Variants in RNF180 observed in about 807,000 individuals in gnomAD.
RNF180 encodes E3 ubiquitin-protein ligase RNF180.
Under a neutral mutation model 59.2 loss-of-function variants are expected in RNF180, and 38 were observed. The ratio of observed to expected loss-of-function variants is 0.64; its 90% confidence interval spans 0.50 to 0.84. RNF180 has a LOEUF of 0.84. Among genes scored for constraint, RNF180 ranks in the 40% least tolerant of loss-of-function variants. The pLI, the probability that RNF180 is intolerant of heterozygous loss-of-function variation, is 0.00. For synonymous variants in RNF180, 262 were observed against 240.3 expected, an observed-to-expected ratio of 1.09 and a Z score of -0.84; for missense variants, 705 against 700.9, an observed-to-expected ratio of 1.01 and a Z score of -0.07.
intron 5 of RNF180, among the ~76,000 whole-genome samples, chr5:64,242,462 A>G (rs947485134): frequency 6.6e-6 from 1 of 152,238 alleles, no homozygotes; most frequent in Non-Finnish European, 1.5e-5. Context: ...ACTGAACCTC[A>G]GAAAATACAG....
chr5:64,240,244 C>T (rs1331267700), intron 5 of RNF180, among the ~76,000 whole-genome samples: 1 of 152,148 alleles, frequency 6.6e-6, no homozygotes, highest in African/African-American at 2.4e-5. Context: ...GCCCTATTAA[C>T]CATATCTTCT....
chr5:64,176,398 A>G (rs1750238660), intron 1 of RNF180, among the ~76,000 whole-genome samples: 1 of 152,032 alleles, frequency 6.6e-6, no homozygotes. Flanking sequence ...TTTCCAGAAA[A>G]CCAGCTCTGT....
Position 64,371,742 on chromosome 5 carries a change from A to T in RNF180, c.*1928A>T, listed in dbSNP as rs1746663440. ...ATAGAATATTAAAAGAAGTAAATTC[A>T]TAAAATTATAAATTACTAATCTTTA... On this transcript the variant is annotated 3_prime_UTR_variant, in exon 8 of 8. Coordinates refer to ENST00000389100, the MANE Select transcript of RNF180 (RefSeq NM_001113561.2). 2 of 151,652 alleles carry T rather than the reference A, an allele frequency of 1.3e-5. No individual in the cohort carries two copies. The highest frequency in any genetic ancestry group is 3.0e-5 in the Non-Finnish European group (2 of 67,714). The allele number at this position is 151,652 out of a possible 1,614,324, so 9.4% of individuals were successfully genotyped here. A position where few individuals can be genotyped will look rare whatever the true frequency, so the allele number is the denominator to read the frequency against.
At chr5:64,247,758 C>T (rs185984725) in intron 5 of RNF180, among the ~76,000 whole-genome samples, 10 of 152,160 alleles carry the variant, frequency 6.6e-5, no homozygotes, top group African/African-American at 2.2e-4. Context: ...AATAAAACTA[C>T]TTTAAATTTC....
rs1160746790 is a variant in RNF180, at chr5:64,369,692, G to C, written c.1657G>C (p.Glu553Gln). ...GAHRMDYLHF[E>Q]DDSRGWWFDM... ...ACACAGGATGGATTACCTGCACTTTGAGGATGATAGCCGTGGATGGTGGTT... is the reference window on the plus strand; with the variant it reads ...ACACAGGATGGATTACCTGCACTTTCAGGATGATAGCCGTGGATGGTGGTT... The change falls in exon 8 of 8, where the codon GAG becomes CAG. Residue 553 changes from glutamate to glutamine, a missense_variant. Glu to Gln is a conservative substitution (Grantham distance 29). Transcript: ENST00000389100. 1.7e-5 allele frequency: 27 copies of C among 1,548,200 alleles called. No homozygotes were observed. The highest frequency in any genetic ancestry group is 2.0e-5 in the Non-Finnish European group (23 of 1,145,258).
At chr5:64,239,281 TA>T (rs1453863546) in intron 5 of RNF180, among the ~76,000 whole-genome samples, 2 of 152,136 alleles carry the variant, frequency 1.3e-5, no homozygotes, top group Non-Finnish European at 2.9e-5. Context: ...TACTGAATTA[TA>T]ATCTGCATGT....
intron 3 of RNF180, among the ~76,000 whole-genome samples, chr5:64,213,087 G>A (rs1227660921): frequency 6.6e-6 from 1 of 152,186 alleles, no homozygotes; most frequent in Non-Finnish European, 1.5e-5. Flanking sequence ...TATTTTGGTT[G>A]TATGTAAAAA....
At chr5:64,245,477 G>C (rs1052139190) in intron 5 of RNF180, among the ~76,000 whole-genome samples, 4 of 152,130 alleles carry the variant, frequency 2.6e-5, no homozygotes, top group African/African-American at 9.7e-5. Flanking sequence ...CCTAGTCTCT[G>C]ATAAAACAGA....
chr5:64,284,780 T>C (rs1277524189), intron 5 of RNF180, among the ~76,000 whole-genome samples: 1 of 152,228 alleles, frequency 6.6e-6, no homozygotes, highest in Admixed American at 6.5e-5. Context: ...TGAATCTTTA[T>C]GATCATCATT....
chr5:64,211,387 T>A lies in RNF180; in HGVS notation c.136-678T>A, dbSNP rs1040763759. Among the ~76,000 whole-genome samples the A allele has an allele frequency of 4.6e-5, 7 of 152,188 alleles. No homozygotes were observed. The East Asian group carries it at 1.4e-3, about 29-fold the overall frequency. On this transcript the variant is annotated intron_variant, in intron 2 of 7. Coordinates refer to ENST00000389100, the MANE Select transcript of RNF180 (RefSeq NM_001113561.2). ...TGCAAGCTTGGTTTATTTTTGTTTG[T>A]CCCCCTCTTCTTCCTTGGCTAATTT...
intron 5 of RNF180, among the ~76,000 whole-genome samples, chr5:64,318,606 ATACT>A (rs945898165): frequency 2.0e-5 from 3 of 152,180 alleles, no homozygotes; most frequent in South Asian, 2.1e-4. Context: ...TACTTTATAC[ATACT>A]TTTTTAGACA....
At chr5:64,350,617 T>C (rs1053669996) in intron 7 of RNF180, among the ~76,000 whole-genome samples, 1 of 152,202 alleles carries the variant, frequency 6.6e-6, no homozygotes, top group African/African-American at 2.4e-5. Flanking sequence ...AGTTTCAGCT[T>C]TCTACATATG....
At chr5:64,331,056 G>A (rs530565483) in intron 7 of RNF180, among the ~76,000 whole-genome samples, 4 of 152,194 alleles carry the variant, frequency 2.6e-5, no homozygotes, top group Admixed American at 6.5e-5. Context: ...AGGCACTGTC[G>A]CAACCCAGCC....
chr5:64,258,694 T>C (rs1744137168), intron 5 of RNF180, among the ~76,000 whole-genome samples: 1 of 152,192 alleles, frequency 6.6e-6, no homozygotes, highest in South Asian at 2.1e-4. Flanking sequence ...TTTATACATA[T>C]GTATGTTTAG....
intron 7 of RNF180, among the ~76,000 whole-genome samples, chr5:64,357,394 T>G (rs1212627051): frequency 1.3e-5 from 2 of 151,790 alleles, no homozygotes; most frequent in African/African-American, 4.8e-5. Context: ...GCTTTAACCT[T>G]TTATCCGTCC....
In RNF180 at chr5:64,341,302, C is replaced by A. The variant is rs2112563587; in HGVS notation, c.1579+10896C>A. On this transcript the variant is annotated intron_variant, in intron 7 of 7. Coordinates refer to ENST00000389100, the MANE Select transcript of RNF180 (RefSeq NM_001113561.2). ...TAACTACCCTAAGGAATAAATGACA[C>A]CAAGTAAAAGTGTTCAAAGATATAA... Among the ~76,000 whole-genome samples the A allele has an allele frequency of 2.0e-5, 3 of 152,112 alleles. 1 individual carries two copies. The South Asian group carries it at 6.2e-4, about 32-fold the overall frequency.
chr5:64,194,066 C>T (rs1340399528), intron 1 of RNF180, among the ~76,000 whole-genome samples: 1 of 152,040 alleles, frequency 6.6e-6, no homozygotes, highest in African/African-American at 2.4e-5. Flanking sequence ...AGGTTTGTTG[C>T]ATATGTATAC....
chr5:64,331,106 C>T (rs1230739331), intron 7 of RNF180, among the ~76,000 whole-genome samples: 1 of 152,230 alleles, frequency 6.6e-6, no homozygotes, highest in East Asian at 1.9e-4. Flanking sequence ...CATGCCAGCC[C>T]CCTGCTGCCT....
chr5:64,196,989 A>G (rs1751486089), intron 1 of RNF180, among the ~76,000 whole-genome samples: 1 of 152,148 alleles, frequency 6.6e-6, no homozygotes, highest in South Asian at 2.1e-4. Flanking sequence ...TTTAATTTAT[A>G]ATTTTGTCCA....
Sources: allele counts gnomAD v4.1 joint callset (sites outside exome capture counted in the v4.1 genomes callset), GRCh38; gene constraint gnomAD v4.1.1; transcripts MANE v1.5; gene names NCBI Gene and HGNC (gene_info 2026-07-23, HGNC 2026-07-21).